Variants in FAF1 observed in about 807,000 individuals in gnomAD.
FAF1 encodes Fas associated factor 1, also known as FAS-associated factor 1.
FAF1 carries 25 observed loss-of-function variants against 92.5 expected under a neutral mutation model. The observed-to-expected ratio is 0.27, with a 90% confidence interval of 0.20 to 0.38. The LOEUF (loss-of-function observed/expected upper bound fraction) is 0.38, where lower values mean the gene tolerates loss of function less well. Ranked by LOEUF, FAF1 falls within the 10% of genes least tolerant of loss-of-function variation. The pLI, the probability that FAF1 is intolerant of heterozygous loss-of-function variation, is 1.00. For synonymous variants in FAF1, 234 were observed against 273.2 expected, an observed-to-expected ratio of 0.86 and a Z score of 1.42; for missense variants, 636 against 793.3, an observed-to-expected ratio of 0.80 and a Z score of 2.38.
Position 50,490,384 on chromosome 1 carries a change from AAAGGAAGGAAGGAAGG to A in FAF1, c.1653+188_1653+203del, listed in dbSNP as rs199911582. On this transcript the variant is annotated intron_variant, in intron 17 of 18. Transcript: ENST00000396153. ...TGACAGAGCGAAGACTCTATCTCAA[AAAGGAAGGAAGGAAGG>A]AAGGAAGGAAGGAAGGAAGGAAGGA... Among the ~76,000 whole-genome samples the A allele has an allele frequency of 9.0e-3, 312 of 34,826 alleles. 4 individuals are homozygous for A. Among genetic ancestry groups the A allele is most frequent in the South Asian group, 0.02 (17 of 830 alleles). 22.8% of individuals were successfully genotyped at this position (34,826 alleles called of 152,430 possible).
rs531385025 is a variant in FAF1, at chr1:50,949,660, T to C, written c.45+10107A>G. 3.3e-5 allele frequency among the ~76,000 whole-genome samples: 5 copies of C among 152,350 alleles called. No individual in the cohort carries two copies. The East Asian group carries it at 7.7e-4, about 23-fold the overall frequency. On this transcript the variant is annotated intron_variant, in intron 1 of 18. Transcript: ENST00000396153. ...ACATGTAAACATACGTGCACGACTATATTCCAGTAAGACTTTATTTACAAA... is the reference window on the plus strand; with the variant it reads ...ACATGTAAACATACGTGCACGACTACATTCCAGTAAGACTTTATTTACAAA...
chr1:50,640,834 T>TTG (rs1445561245), intron 8 of FAF1, among the ~76,000 whole-genome samples: 1 of 121,464 alleles, frequency 8.2e-6, no homozygotes. Context: ...AGCTGATTTT[T>TTG]TTTTTTTTTT....
chr1:50,522,312 G>A (rs1647542733), intron 15 of FAF1, among the ~76,000 whole-genome samples: 1 of 152,008 alleles, frequency 6.6e-6, no homozygotes, highest in East Asian at 1.9e-4. Context: ...TGTGTATTCT[G>A]GCCTTTACAC....
At chr1:50,508,317 A>G (rs1647085786) in intron 15 of FAF1, among the ~76,000 whole-genome samples, 1 of 152,256 alleles carries the variant, frequency 6.6e-6, no homozygotes, top group Admixed American at 6.5e-5. Flanking sequence ...CACAATAGCC[A>G]AAATGTGGAA....
At chr1:50,736,768 G>GA (rs71578049) in intron 6 of FAF1, among the ~76,000 whole-genome samples, 4,115 of 141,848 alleles carry the variant, frequency 0.029, 121 homozygotes, top group Admixed American at 0.11. Context: ...AAGAAAGAAA[G>GA]AAAAAAAAAA....
chr1:50,703,877 GA>G (rs1278493869), intron 7 of FAF1, among the ~76,000 whole-genome samples: 2 of 152,056 alleles, frequency 1.3e-5, no homozygotes, highest in African/African-American at 4.8e-5. Context: ...TTCTGCATAG[GA>G]TATCAGGTGT....
chr1:50,670,405 T>C (rs1417678361), intron 7 of FAF1, among the ~76,000 whole-genome samples: 1 of 151,950 alleles, frequency 6.6e-6, no homozygotes, highest in Non-Finnish European at 1.5e-5. Flanking sequence ...TAAGTTTAAA[T>C]TGCCACTCAC....
At chr1:50,789,011 T>C (rs1661469671) in intron 3 of FAF1, among the ~76,000 whole-genome samples, 1 of 152,146 alleles carries the variant, frequency 6.6e-6, no homozygotes, top group Non-Finnish European at 1.5e-5. Flanking sequence ...TTTTGTATTT[T>C]TTTGTAGAAA....
At chr1:50,623,281 G>C (rs1557440990) in intron 8 of FAF1, among the ~76,000 whole-genome samples, 1 of 152,082 alleles carries the variant, frequency 6.6e-6, no homozygotes, top group Non-Finnish European at 1.5e-5. Flanking sequence ...TTTTGGCTCA[G>C]GTTAGGACAG....
At chr1:50,925,184 C>G (rs181339555) in intron 1 of FAF1, among the ~76,000 whole-genome samples, 1 of 152,232 alleles carries the variant, frequency 6.6e-6, no homozygotes, top group Admixed American at 6.5e-5. Flanking sequence ...TGAAACTAGA[C>G]CCCTATCTAT....
chr1:50,499,596 T>C (rs572423063), intron 15 of FAF1, among the ~76,000 whole-genome samples: 1 of 152,246 alleles, frequency 6.6e-6, no homozygotes, highest in South Asian at 2.1e-4. Flanking sequence ...AGAACTCTCT[T>C]TATCCACAGA....
Position 50,857,981 on chromosome 1 carries a change from T to A in FAF1, c.62A>T (p.Glu21Val), listed in dbSNP as rs770971264. The A allele has an allele frequency of 6.2e-7, 1 of 1,600,116 alleles. No individual in the cohort carries two copies. Among genetic ancestry groups the A allele is most frequent in the African/African-American group, 1.4e-5 (1 of 74,050 alleles). The change falls in exon 2 of 19, where the codon GAA (glutamate) becomes GTA (valine). Residue 21 changes from glutamate (E) to valine (V), a missense_variant. Transcript: ENST00000396153. ...CAATGTAATAGCTTCGTCAATGTTT[T>A]CAATGCCAGTACATGCCTGGAAAGA... ...LADFQACTGI[E>V]NIDEAITLLE... is the part of the protein sequence containing the mutation.
chr1:50,467,382 C>T (rs952203918), intron 18 of FAF1, among the ~76,000 whole-genome samples: 10 of 152,144 alleles, frequency 6.6e-5, no homozygotes, highest in African/African-American at 2.2e-4. Flanking sequence ...GGCGCAATCT[C>T]GGCTCACTGC....
chr1:50,613,108 T>C (rs1034589572), intron 8 of FAF1, among the ~76,000 whole-genome samples: 2 of 152,186 alleles, frequency 1.3e-5, no homozygotes, highest in African/African-American at 4.8e-5. Context: ...CAAGATAAAA[T>C]ATGAAAGACT....
chr1:50,522,149 G>A (rs968216436), intron 15 of FAF1, among the ~76,000 whole-genome samples: 1 of 152,140 alleles, frequency 6.6e-6, no homozygotes, highest in Non-Finnish European at 1.5e-5. Flanking sequence ...TATAATATTT[G>A]CGAATATGGC....
intron 1 of FAF1, among the ~76,000 whole-genome samples, chr1:50,936,969 T>C (rs906521315): frequency 1.3e-5 from 2 of 151,968 alleles, no homozygotes; most frequent in African/African-American, 4.8e-5. Context: ...AAAGGAAATG[T>C]AGGAGAAAAC....
chr1:50,742,748 T>C (rs1659438090), intron 5 of FAF1, among the ~76,000 whole-genome samples: 1 of 152,140 alleles, frequency 6.6e-6, no homozygotes, highest in Non-Finnish European at 1.5e-5. Flanking sequence ...AGCGAACTCA[T>C]TTTGGTGTTT....
intron 2 of FAF1, among the ~76,000 whole-genome samples, chr1:50,852,765 A>G (rs1447658636): frequency 2.0e-5 from 3 of 152,120 alleles, no homozygotes; most frequent in African/African-American, 7.2e-5. Context: ...ACATTTACCT[A>G]TTTACTTTTG....
chr1:50,750,416 C>A (rs1366251525), intron 4 of FAF1, among the ~76,000 whole-genome samples: 1 of 152,102 alleles, frequency 6.6e-6, no homozygotes, highest in African/African-American at 2.4e-5. Context: ...AAAACTCACT[C>A]ATGAGTTTAG....
Sources: allele counts gnomAD v4.1 joint callset (sites outside exome capture counted in the v4.1 genomes callset), GRCh38; gene constraint gnomAD v4.1.1; transcripts MANE v1.5; gene names NCBI Gene and HGNC (gene_info 2026-07-23, HGNC 2026-07-21).